The following MACROD2 variants were observed in gnomAD, a reference collection of about 807,000 sequenced individuals.
The protein encoded by MACROD2 is ADP-ribose glycohydrolase MACROD2.
Under a neutral mutation model 70.4 loss-of-function variants are expected in MACROD2, and 36 were observed. The observed-to-expected ratio is 0.51, with a 90% confidence interval of 0.39 to 0.68. The LOEUF is 0.68. Ranked by LOEUF, MACROD2 falls within the 30% of genes least tolerant of loss-of-function variation. The pLI is 0.00. For missense variants in MACROD2, 496 were observed against 538.4 expected, an observed-to-expected ratio of 0.92 and a Z score of 0.78; for synonymous variants, 172 against 178.8, an observed-to-expected ratio of 0.96 and a Z score of 0.30.
At chr20:14,735,711 A>G (rs2071656136) in intron 5 of MACROD2, among the ~76,000 whole-genome samples, 1 of 151,974 alleles carries the variant, frequency 6.6e-6, no homozygotes, top group Admixed American at 6.6e-5. Flanking sequence ...TTAGCTGGAC[A>G]TGATGGTGCA....
rs528784398 is a variant in MACROD2, at chr20:15,840,808, G to T, written c.646-21937G>T. Among the ~76,000 whole-genome samples, 187 of 152,132 alleles carry T rather than the reference G, an allele frequency of 1.2e-3. 1 individual carries two copies. Among genetic ancestry groups the T allele is most frequent in the Non-Finnish European group, 2.2e-3 (152 of 68,026 alleles). On this transcript the variant is annotated intron_variant, in intron 8 of 17. Coordinates refer to ENST00000684519, the MANE Select transcript of MACROD2 (RefSeq NM_001351661.2). ...AAATTCATCCATAAACTCTTCCAAG[G>T]CAAGCTGTGAAAGACTCCAGAGCAT...
At chr20:15,547,299 A>T (rs996367593) in intron 8 of MACROD2, among the ~76,000 whole-genome samples, 4 of 152,238 alleles carry the variant, frequency 2.6e-5, no homozygotes, top group Admixed American at 1.3e-4. Flanking sequence ...TACTAGACAG[A>T]TGGAACCAAT....
chr20:15,206,657 G>A (rs947029107), intron 5 of MACROD2, among the ~76,000 whole-genome samples: 1 of 149,718 alleles, frequency 6.7e-6, no homozygotes, highest in African/African-American at 2.5e-5. Flanking sequence ...AATGTAAATG[G>A]AACCATACAC....
At chr20:15,468,997 C>A (rs772000315) in intron 7 of MACROD2, among the ~76,000 whole-genome samples, 10 of 152,076 alleles carry the variant, frequency 6.6e-5, no homozygotes, top group Non-Finnish European at 1.3e-4. Flanking sequence ...CTATATAGTT[C>A]CTATCATTTT....
chr20:14,748,861 C>A (rs1280630706), intron 5 of MACROD2, among the ~76,000 whole-genome samples: 1 of 152,056 alleles, frequency 6.6e-6, no homozygotes, highest in African/African-American at 2.4e-5. Context: ...CATCCATGCA[C>A]CACGGTAGTC....
At chr20:14,131,490 C>G (rs1423282008) in intron 3 of MACROD2, among the ~76,000 whole-genome samples, 1 of 152,090 alleles carries the variant, frequency 6.6e-6, no homozygotes, top group Non-Finnish European at 1.5e-5. Context: ...AGAAGTGGTA[C>G]AATTGTCTGC....
chr20:14,124,904 T>A (rs922099337), intron 3 of MACROD2, among the ~76,000 whole-genome samples: 1 of 152,172 alleles, frequency 6.6e-6, no homozygotes, highest in African/African-American at 2.4e-5. Flanking sequence ...ACAACTCAAA[T>A]GTTCATCTTC....
At chr20:15,258,209 G>A (rs1006412591) in intron 6 of MACROD2, among the ~76,000 whole-genome samples, 2 of 151,870 alleles carry the variant, frequency 1.3e-5, no homozygotes, top group Admixed American at 6.6e-5. Flanking sequence ...TATACATTAA[G>A]GTTACTTTAT....
At chr20:15,056,886 A>C (rs191538484) in intron 5 of MACROD2, among the ~76,000 whole-genome samples, 62 of 152,332 alleles carry the variant, frequency 4.1e-4, no homozygotes, top group African/African-American at 1.4e-3. Context: ...ATAGGAGTGG[A>C]GATGGGGATA....
chr20:15,031,707 T>G (rs1348351757), intron 5 of MACROD2, among the ~76,000 whole-genome samples: 2 of 152,066 alleles, frequency 1.3e-5, no homozygotes, highest in Non-Finnish European at 2.9e-5. Flanking sequence ...TTTTATGGGC[T>G]CAGAAGGGAG....
chr20:14,525,728 TGTTA>T (rs1483089707), intron 4 of MACROD2, among the ~76,000 whole-genome samples: 2 of 152,246 alleles, frequency 1.3e-5, no homozygotes, highest in East Asian at 3.9e-4. Flanking sequence ...CATTTAGGTA[TGTTA>T]GTTAGGACAG....
intron 4 of MACROD2, among the ~76,000 whole-genome samples, chr20:14,635,377 G>C (rs983950817): frequency 6.6e-6 from 1 of 152,078 alleles, no homozygotes; most frequent in Non-Finnish European, 1.5e-5. Flanking sequence ...ACCTAGAAAA[G>C]TCACTAAAAT....
chr20:14,393,044 A>C (rs1029913396), intron 3 of MACROD2, among the ~76,000 whole-genome samples: 3 of 152,186 alleles, frequency 2.0e-5, no homozygotes, highest in Non-Finnish European at 4.4e-5. Context: ...TTGAGATCTT[A>C]AAATGTGTTT....
chr20:15,036,255 A>G (rs2075312174), intron 5 of MACROD2, among the ~76,000 whole-genome samples: 2 of 152,168 alleles, frequency 1.3e-5, no homozygotes, highest in East Asian at 1.9e-4. Flanking sequence ...TGGAAAGAAC[A>G]CTTGTAGAAC....
At chr20:15,656,094 G>A (rs2049726695) in intron 8 of MACROD2, among the ~76,000 whole-genome samples, 2 of 152,138 alleles carry the variant, frequency 1.3e-5, no homozygotes, top group Non-Finnish European at 2.9e-5. Flanking sequence ...ATACACATGA[G>A]TCTGTCTAAT....
At chr20:14,954,057 C>T (rs928002592) in intron 5 of MACROD2, among the ~76,000 whole-genome samples, 2 of 152,012 alleles carry the variant, frequency 1.3e-5, no homozygotes, top group African/African-American at 2.4e-5. Context: ...TGTTCTAATG[C>T]GGTAAATAGA....
At chr20:15,672,865 G>A (rs1325225930) in intron 8 of MACROD2, among the ~76,000 whole-genome samples, 1 of 152,144 alleles carries the variant, frequency 6.6e-6, no homozygotes, top group Non-Finnish European at 1.5e-5. Context: ...CCCGGTGGTA[G>A]GTAATTGAAT....
chr20:16,010,443 A>G (rs189978074), intron 15 of MACROD2, among the ~76,000 whole-genome samples: 326 of 152,352 alleles, frequency 2.1e-3, no homozygotes, highest in Non-Finnish European at 3.4e-3. Context: ...TTTGTCTCCT[A>G]CCATTTTATC....
chr20:15,754,584 C>G (rs556185629), intron 8 of MACROD2, among the ~76,000 whole-genome samples: 1 of 151,456 alleles, frequency 6.6e-6, no homozygotes, highest in African/African-American at 2.4e-5. Context: ...CAGGTTTGAG[C>G]CACTGCACTC....
Sources: allele counts gnomAD v4.1 joint callset (sites outside exome capture counted in the v4.1 genomes callset), GRCh38; gene constraint gnomAD v4.1.1; transcripts MANE v1.5; gene names NCBI Gene and HGNC (gene_info 2026-07-23, HGNC 2026-07-21).